Variants in PTN observed in about 807,000 individuals in gnomAD.
The protein encoded by PTN is pleiotrophin.
A neutral mutation model predicts 24.1 loss-of-function variants in PTN; 18 were observed. The observed-to-expected ratio is 0.75, with a 90% CI of 0.52 to 1.11. PTN has a LOEUF of 1.11. PTN is among the 50% of genes least tolerant of loss of function. The pLI, the probability that PTN is intolerant of heterozygous loss-of-function variation, is 0.00. For synonymous variants in PTN, 78 were observed against 68.6 expected (o/e 1.14, Z -0.67); for missense variants, 163 against 198.8 (o/e 0.82, Z 1.08).
rs1250712079 is a variant in PTN, at chr7:137,233,421, C to A, written c.452-5346G>T. On this transcript the variant is annotated intron_variant, in intron 4 of 4. Transcript: ENST00000348225. ...TATGTCCTCTGCAATCTCATCTTAC[C>A]ACTAATGTTCAAAACACATTAATTT... Among the ~76,000 whole-genome samples the A allele has an allele frequency of 7.2e-5, 11 of 152,006 alleles. 1 individual carries two copies. The highest frequency in any genetic ancestry group is 2.7e-4 in the African/African-American group (11 of 41,496).
intron 1 of PTN, among the ~76,000 whole-genome samples, chr7:137,322,613 T>C (rs1414207793): frequency 6.6e-6 from 1 of 152,210 alleles, no homozygotes; most frequent in South Asian, 2.1e-4. Flanking sequence ...TTATTTAGTA[T>C]ACAGCCACAT....
chr7:137,278,340 G>GAAAA (rs1554466606), intron 1 of PTN, among the ~76,000 whole-genome samples: 3 of 97,344 alleles, frequency 3.1e-5, no homozygotes, highest in Admixed American at 9.6e-5. Flanking sequence ...AAAAAAAAAT[G>GAAAA]ACTACTAATC....
chr7:137,300,028 C>T (rs1462578784), intron 1 of PTN, among the ~76,000 whole-genome samples: 1 of 151,338 alleles, frequency 6.6e-6, no homozygotes, highest in Non-Finnish European at 1.5e-5. Flanking sequence ...GAAGAAAAGC[C>T]CAAGATGAAG....
chr7:137,336,882 C>T (rs1810457609), intron 1 of PTN, among the ~76,000 whole-genome samples: 2 of 152,134 alleles, frequency 1.3e-5, no homozygotes, highest in African/African-American at 4.8e-5. Flanking sequence ...GACGTCAATC[C>T]TGGAAGGTAG....
At chr7:137,321,491 CT>C (rs1376504189) in intron 1 of PTN, among the ~76,000 whole-genome samples, 1 of 152,132 alleles carries the variant, frequency 6.6e-6, no homozygotes, top group African/African-American at 2.4e-5. Context: ...GGCAATATTT[CT>C]TCTGGCACTA....
intron 1 of PTN, among the ~76,000 whole-genome samples, chr7:137,293,578 T>C (rs767007610): frequency 1.8e-4 from 27 of 152,130 alleles, no homozygotes; most frequent in Non-Finnish European, 3.2e-4. Flanking sequence ...CTCAGCATCA[T>C]AAAGATGGCA....
At chr7:137,292,505 C>T (rs1404306373) in intron 1 of PTN, among the ~76,000 whole-genome samples, 1 of 152,112 alleles carries the variant, frequency 6.6e-6, no homozygotes, top group African/African-American at 2.4e-5. Context: ...TGTAAGACGT[C>T]CCTTTGCTCT....
At chr7:137,237,839 A>T (rs1263260529) in intron 4 of PTN, among the ~76,000 whole-genome samples, 1 of 152,114 alleles carries the variant, frequency 6.6e-6, no homozygotes, top group Non-Finnish European at 1.5e-5. Flanking sequence ...AGCTTAATTT[A>T]TTACTCTTGT....
At chr7:137,249,589 G>T (rs923744021) in intron 4 of PTN, among the ~76,000 whole-genome samples, 1 of 151,972 alleles carries the variant, frequency 6.6e-6, no homozygotes, top group Non-Finnish European at 1.5e-5. Flanking sequence ...GAATATTTTG[G>T]TTCTACAGCT....
At chr7:137,329,396 A>C (rs1810313433) in intron 1 of PTN, among the ~76,000 whole-genome samples, 1 of 152,120 alleles carries the variant, frequency 6.6e-6, no homozygotes, top group Non-Finnish European at 1.5e-5. Flanking sequence ...AGGTGCTGGC[A>C]GGTCTTGATT....
chr7:137,253,786 A>G, intron 2 of PTN, 149 bp from the exon 3 acceptor site: 1 of 649,410 alleles, frequency 1.5e-6, no homozygotes, highest in East Asian at 3.2e-5. Context: ...AACATGATGA[A>G]TATTAACCAA....
intron 1 of PTN, among the ~76,000 whole-genome samples, chr7:137,259,691 CAG>C (rs952537685): frequency 1.5e-4 from 22 of 150,592 alleles, no homozygotes; most frequent in African/African-American, 3.4e-4. Context: ...CAAAAAGGGA[CAG>C]AGAGAGAGAG....
At chr7:137,309,939 T>C (rs1197551541) in intron 1 of PTN, among the ~76,000 whole-genome samples, 2 of 152,234 alleles carry the variant, frequency 1.3e-5, no homozygotes, top group African/African-American at 4.8e-5. Context: ...GCATCTAGAA[T>C]GATGAATCCT....
intron 1 of PTN, among the ~76,000 whole-genome samples, chr7:137,282,733 TTTAGA>T (rs1475211245): frequency 4.6e-5 from 7 of 152,242 alleles, no homozygotes; most frequent in Non-Finnish European, 8.8e-5. Context: ...AAAAGTCATC[TTTAGA>T]TTAGATTTTC....
chr7:137,330,169 C>T (rs1810327833), intron 1 of PTN, among the ~76,000 whole-genome samples: 1 of 152,018 alleles, frequency 6.6e-6, no homozygotes, highest in African/African-American at 2.4e-5. Context: ...GGCCTGTAAT[C>T]CCAGCTGCTT....
intron 1 of PTN, among the ~76,000 whole-genome samples, chr7:137,277,093 T>C (rs1056011643): frequency 1.3e-4 from 20 of 152,314 alleles, no homozygotes; most frequent in Middle Eastern, 3.4e-3. Context: ...TACAAGTCAA[T>C]GGTAATAAGA....
chr7:137,240,993 C>G (rs913158685), intron 4 of PTN, among the ~76,000 whole-genome samples: 3 of 152,190 alleles, frequency 2.0e-5, no homozygotes, highest in Middle Eastern at 3.2e-3. Flanking sequence ...AATTGACTCA[C>G]AGTTCTGCAT....
At chr7:137,284,367 G>A (rs1189815617) in intron 1 of PTN, among the ~76,000 whole-genome samples, 2 of 152,064 alleles carry the variant, frequency 1.3e-5, no homozygotes, top group Non-Finnish European at 2.9e-5. Flanking sequence ...AAAGGAAGAG[G>A]TCTTTTATTT....
intron 1 of PTN, among the ~76,000 whole-genome samples, chr7:137,340,166 T>C (rs1470613855): frequency 3.3e-5 from 5 of 152,170 alleles, no homozygotes; most frequent in African/African-American, 1.2e-4. Context: ...ATCTCAAACA[T>C]GAAGGAGTCA....
Sources: gnomAD v4.1 joint callset for allele counts (sites outside exome capture counted in the v4.1 genomes callset) on GRCh38, gnomAD v4.1.1 for gene constraint, MANE v1.5 for transcripts, NCBI Gene and HGNC (gene_info 2026-07-23, HGNC 2026-07-21) for gene names.